Variants in CACNG4 observed in about 807,000 individuals in gnomAD.
CACNG4 encodes the protein calcium voltage-gated channel auxiliary subunit gamma 4, also known as voltage-dependent calcium channel gamma-4 subunit.
In CACNG4, 8 loss-of-function variants were observed where a neutral mutation model predicts 22.9. The observed-to-expected ratio is 0.35, with a 90% CI of 0.21 to 0.63. The LOEUF (loss-of-function observed/expected upper bound fraction) is 0.63, where lower values mean the gene tolerates loss of function less well. Among genes scored for constraint, CACNG4 ranks in the 30% least tolerant of loss-of-function variants. The pLI, the probability that CACNG4 is intolerant of heterozygous loss-of-function variation, is 0.72. For missense variants in CACNG4, 357 were observed against 455.4 expected, an observed-to-expected ratio of 0.78 and a Z score of 1.97; for synonymous variants, 188 against 191.9, an observed-to-expected ratio of 0.98 and a Z score of 0.17.
Position 66,977,722 on chromosome 17 carries a change from C to T in CACNG4, c.220+12591C>T, listed in dbSNP as rs577202672. Among the ~76,000 whole-genome samples the T allele has an allele frequency of 4.6e-4, 70 of 152,346 alleles. 1 individual carries two copies. The highest frequency in any genetic ancestry group is 7.7e-4 in the East Asian group (4 of 5,184). On this transcript the variant is annotated intron_variant, in intron 1 of 3. Coordinates refer to ENST00000262138, the MANE Select transcript of CACNG4 (RefSeq NM_014405.4). The stretch of plus-strand genomic sequence containing the variant: ...TTGTTTTTTTCTGAGAGCTACCACA[C>T]GCACCTGCAGGGCCAGGGGCTGCCT...
At position 67,031,086 on chromosome 17, in the gene CACNG4, C is replaced by A; in HGVS notation, c.*82C>A. On this transcript the variant is annotated 3_prime_UTR_variant, in exon 4 of 4. Transcript: ENST00000262138. The surrounding 1 kb of genome is among the most constrained non-coding windows in gnomAD (Gnocchi z 4.0). ...ACAGGATGGCATGTGATCCTCAAGA[C>A]GACGAACAATGAACTAAAGCCAAAT... 2.1e-6 allele frequency: 3 copies of A among 1,455,522 alleles called. No homozygotes were observed. Among genetic ancestry groups the A allele is most frequent in the African/African-American group, 1.4e-5 (1 of 71,056 alleles). 90.2% of individuals were successfully genotyped at this position (1,455,522 alleles called of 1,614,324 possible).
Position 67,027,094 on chromosome 17 carries a change from C to T in CACNG4, c.445+2094C>T, listed in dbSNP as rs1294068759. Among the ~76,000 whole-genome samples, 2 of 152,212 alleles carry T rather than the reference C, an allele frequency of 1.3e-5. No homozygotes were observed. The highest frequency in any genetic ancestry group is 4.8e-5 in the African/African-American group (2 of 41,450). On this transcript the variant is annotated intron_variant, in intron 3 of 3. Transcript: ENST00000262138. This position sits in a 1 kb window ranked among gnomAD's most constrained non-coding sequence, Gnocchi z 4.3. ...CCATGCCAGCGCTCTGTGAGCCCAA[C>T]CCCACCATCCCTGCTCCTGCGGAGG...
At chr17:66,990,825 C>T (rs928664117) in intron 1 of CACNG4, among the ~76,000 whole-genome samples, 2 of 151,884 alleles carry the variant, frequency 1.3e-5, no homozygotes, top group African/African-American at 4.8e-5. Context: ...GGACTACAGG[C>T]GCCCGCCACC....
intron 1 of CACNG4, among the ~76,000 whole-genome samples, chr17:67,004,539 A>G (rs937611863): frequency 1.3e-5 from 2 of 151,924 alleles, no homozygotes; most frequent in African/African-American, 2.4e-5. Flanking sequence ...CAGGGAACCC[A>G]TGCTTATTTT....
intron 1 of CACNG4, among the ~76,000 whole-genome samples, chr17:66,976,111 G>A (rs772482270): frequency 6.6e-6 from 1 of 152,142 alleles, no homozygotes; most frequent in Non-Finnish European, 1.5e-5. Flanking sequence ...GCCGCGTCAG[G>A]TGACCTCCCA....
rs2035611672 is a variant in CACNG4, at chr17:67,032,140, T to A, written c.*1136T>A. On this transcript the variant is annotated 3_prime_UTR_variant, in exon 4 of 4. Transcript: ENST00000262138. ...CATTGTAAGTTATTCTGCCACCACC[T>A]AACAGGACGGAGTGGAGTGAGTTTG... 7.7e-6 allele frequency: 3 copies of A among 389,734 alleles called. No individual in the cohort carries two copies. Among genetic ancestry groups the A allele is most frequent in the South Asian group, 5.8e-5 (3 of 51,390 alleles). 24.1% of individuals were successfully genotyped at this position (389,734 alleles called of 1,614,324 possible). A position where few individuals can be genotyped will look rare whatever the true frequency, so the allele number is the denominator to read the frequency against.
rs116307659 is a variant in CACNG4 at position 67,028,733 on chromosome 17, A to G, written c.446-1733A>G. Among the ~76,000 whole-genome samples, 724 of 152,282 alleles carry G rather than the reference A, an allele frequency of 4.8e-3. 3 individuals carry two copies. The highest frequency in any genetic ancestry group is 0.017 in the African/African-American group (697 of 41,546). On this transcript the variant is annotated intron_variant, in intron 3 of 3. Transcript: ENST00000262138. Reference sequence around the variant, plus strand: ...CACTTTACAGATGAGACTGACGCATAAGGAGTGGGAGTAATTTGCCAAAAG... The same window carrying G: ...CACTTTACAGATGAGACTGACGCATGAGGAGTGGGAGTAATTTGCCAAAAG...
At chr17:67,011,938 A>G (rs762313940) in intron 1 of CACNG4, among the ~76,000 whole-genome samples, 3 of 152,054 alleles carry the variant, frequency 2.0e-5, no homozygotes, top group Non-Finnish European at 4.4e-5. Context: ...GGAGACTCCC[A>G]ATACCCCGCT....
rs2035606518 is a variant in CACNG4 at position 67,031,563 on chromosome 17, G to A, written c.*559G>A. The A allele has an allele frequency of 2.2e-6, 1 of 456,902 alleles. No individual in the cohort carries two copies. Among genetic ancestry groups the A allele is most frequent in the Non-Finnish European group, 4.4e-6 (1 of 227,038 alleles). 28.3% of individuals were successfully genotyped at this position (456,902 alleles called of 1,614,324 possible). On this transcript the variant is annotated 3_prime_UTR_variant, in exon 4 of 4. Transcript: ENST00000262138. The surrounding 1 kb of genome is among the most constrained non-coding windows in gnomAD (Gnocchi z 4.0). ...TCCCTCTCTCCAAGACTCTGGCAGT[G>A]GCCTATGATCCTGAAGACAGCTCTG...
intron 1 of CACNG4, among the ~76,000 whole-genome samples, chr17:66,993,548 T>A: frequency 6.6e-6 from 1 of 152,214 alleles, no homozygotes; most frequent in East Asian, 1.9e-4. Context: ...CGCCTGTTCT[T>A]GCACACACAA....
At position 67,025,736 on chromosome 17, in the gene CACNG4, G is replaced by A. The variant is rs576558513; in HGVS notation, c.445+736G>A. 1.1e-3 allele frequency among the ~76,000 whole-genome samples: 172 copies of A among 152,354 alleles called. 1 individual carries two copies. Among genetic ancestry groups the A allele is most frequent in the African/African-American group, 3.6e-3 (150 of 41,584 alleles). ...AGATGGGCAGGCCTGGCGTGGTGCC[G>A]CACACGTGGGCCTCCCAGAGCACCC... On this transcript the variant is annotated intron_variant, in intron 3 of 3. Coordinates refer to ENST00000262138, the MANE Select transcript of CACNG4 (RefSeq NM_014405.4).
chr17:66,979,632 G>A (rs186756883), intron 1 of CACNG4, among the ~76,000 whole-genome samples: 1 of 151,816 alleles, frequency 6.6e-6, no homozygotes, highest in African/African-American at 2.4e-5. Context: ...GTGATGCAGA[G>A]AGGAAAAAAT....
chr17:67,023,190 T>C (rs1300844607), intron 2 of CACNG4, among the ~76,000 whole-genome samples: 1 of 151,980 alleles, frequency 6.6e-6, no homozygotes, highest in Middle Eastern at 3.2e-3. Flanking sequence ...ATGCTCGTCG[T>C]TGGATCTAGG....
chr17:67,017,800 G>A (rs1347105776), intron 1 of CACNG4, among the ~76,000 whole-genome samples: 1 of 152,118 alleles, frequency 6.6e-6, no homozygotes, highest in Non-Finnish European at 1.5e-5. Flanking sequence ...ACAGGCATGA[G>A]CCACCGTGCC....
chr17:66,978,232 G>A (rs1232375532), intron 1 of CACNG4, among the ~76,000 whole-genome samples: 1 of 152,204 alleles, frequency 6.6e-6, no homozygotes, highest in Non-Finnish European at 1.5e-5. Context: ...TGCTTTCTCT[G>A]CAATATGGGG....
rs1393655601 is a variant in CACNG4, at chr17:67,030,274, TC to T, written c.446-191del. On this transcript the variant is annotated intron_variant, in intron 3 of 3. Transcript: ENST00000262138. This position sits in a 1 kb window ranked among gnomAD's most constrained non-coding sequence, Gnocchi z 6.4. ...CTGAGAGTGTGTTTTATTGTATACC[TC>T]ATTTGAACTTTGTACTCTATTACCC... 1.3e-5 allele frequency among the ~76,000 whole-genome samples: 2 copies of T among 152,146 alleles called. No homozygotes were observed. The highest frequency in any genetic ancestry group is 4.8e-5 in the African/African-American group (2 of 41,430).
chr17:67,014,461 G>T (rs912807588), intron 1 of CACNG4, among the ~76,000 whole-genome samples: 1 of 152,120 alleles, frequency 6.6e-6, no homozygotes, highest in Non-Finnish European at 1.5e-5. Context: ...AGTCAACAGC[G>T]ATACCCAGTC....
chr17:66,992,163 G>GT (rs1491156549), intron 1 of CACNG4, among the ~76,000 whole-genome samples: 1 of 134,940 alleles, frequency 7.4e-6, no homozygotes, highest in Admixed American at 7.3e-5. Flanking sequence ...AAGCTCCTGG[G>GT]GGGGGGGGGC....
intron 1 of CACNG4, among the ~76,000 whole-genome samples, chr17:66,993,326 C>T (rs1231053550): frequency 2.6e-5 from 4 of 152,226 alleles, no homozygotes; most frequent in African/African-American, 9.6e-5. Flanking sequence ...GGCAGGGCCA[C>T]TGGCTCGCAG....
Sources: allele counts gnomAD v4.1 joint callset (sites outside exome capture counted in the v4.1 genomes callset), GRCh38; gene constraint gnomAD v4.1.1; non-coding constraint Gnocchi (gnomAD v3.1); transcripts MANE v1.5; gene names NCBI Gene and HGNC (gene_info 2026-07-23, HGNC 2026-07-21).